Variants in MPPED2 observed in about 807,000 individuals in gnomAD.
The protein encoded by MPPED2 is metallophosphoesterase domain containing 2.
MPPED2 carries 5 observed loss-of-function variants against 33.0 expected under a neutral mutation model. The ratio of observed to expected loss-of-function variants is 0.15; its 90% CI spans 0.08 to 0.32. The LOEUF (loss-of-function observed/expected upper bound fraction) is 0.32, where lower values mean the gene tolerates loss of function less well. Among genes scored for constraint, MPPED2 ranks in the 10% least tolerant of loss-of-function variants. The pLI is 1.00. For synonymous variants in MPPED2, 136 were observed against 141.9 expected, an observed-to-expected ratio of 0.96 and a Z score of 0.29; for missense variants, 275 against 372.1, an observed-to-expected ratio of 0.74 and a Z score of 2.15.
At chr11:30,488,102 T>C (rs903430668) in intron 4 of MPPED2, among the ~76,000 whole-genome samples, 5 of 152,206 alleles carry the variant, frequency 3.3e-5, no homozygotes, top group African/African-American at 1.2e-4. Flanking sequence ...GGCAAGTCAC[T>C]TTCTCTGTCA....
intron 3 of MPPED2, among the ~76,000 whole-genome samples, chr11:30,498,570 CT>C (rs1459369020): frequency 6.6e-6 from 1 of 150,444 alleles, no homozygotes; most frequent in Non-Finnish European, 1.5e-5. Context: ...AAAAAGAACG[CT>C]ACCAACCAAC....
chr11:30,479,904 T>C (rs1951403654), intron 4 of MPPED2, among the ~76,000 whole-genome samples: 1 of 152,082 alleles, frequency 6.6e-6, no homozygotes, highest in South Asian at 2.1e-4. Flanking sequence ...AACACAATTG[T>C]AAGTAAATAG....
intron 3 of MPPED2, among the ~76,000 whole-genome samples, chr11:30,519,957 C>T (rs1366898074): frequency 6.6e-6 from 1 of 152,160 alleles, no homozygotes; most frequent in Non-Finnish European, 1.5e-5. Context: ...TTGTTCTCAA[C>T]ATTTTACAGA....
chr11:30,506,269 C>T (rs1952823501), intron 3 of MPPED2, among the ~76,000 whole-genome samples: 1 of 152,104 alleles, frequency 6.6e-6, no homozygotes, highest in African/African-American at 2.4e-5. Context: ...AAACTCCTGA[C>T]CTCAGCTGAT....
At chr11:30,466,030 G>T (rs1026126571) in intron 4 of MPPED2, among the ~76,000 whole-genome samples, 2 of 152,172 alleles carry the variant, frequency 1.3e-5, no homozygotes, top group African/African-American at 4.8e-5. Context: ...GCACTTCTCA[G>T]TGCCTGATAT....
chr11:30,459,824 G>C (rs746562404), intron 4 of MPPED2, among the ~76,000 whole-genome samples: 1 of 152,178 alleles, frequency 6.6e-6, no homozygotes, highest in South Asian at 2.1e-4. Flanking sequence ...CTGAACATGT[G>C]TATTGTAGTT....
At chr11:30,507,119 G>C (rs909600055) in intron 3 of MPPED2, among the ~76,000 whole-genome samples, 3 of 152,182 alleles carry the variant, frequency 2.0e-5, no homozygotes, top group Non-Finnish European at 4.4e-5. Context: ...ATGCATCACA[G>C]ATCAATTTAC....
At chr11:30,556,573 T>C (rs1261403387) in intron 2 of MPPED2, among the ~76,000 whole-genome samples, 1 of 152,208 alleles carries the variant, frequency 6.6e-6, no homozygotes, top group African/African-American at 2.4e-5. Flanking sequence ...CCTTGACAGA[T>C]TAGCATGGCC....
intron 6 of MPPED2, among the ~76,000 whole-genome samples, chr11:30,404,863 G>A (rs901015034): frequency 3.9e-5 from 6 of 152,062 alleles, no homozygotes; most frequent in Middle Eastern, 3.2e-3. Flanking sequence ...TATTTTTCTC[G>A]CATACCTAGC....
chr11:30,505,123 A>AAATG (rs1952761045), intron 3 of MPPED2, among the ~76,000 whole-genome samples: 1 of 152,202 alleles, frequency 6.6e-6, no homozygotes, highest in Admixed American at 6.5e-5. Context: ...GGCAGGTAAC[A>AAATG]ACTGACAAGT....
At chr11:30,417,127 A>G (rs969006873) in intron 5 of MPPED2, among the ~76,000 whole-genome samples, 2 of 152,188 alleles carry the variant, frequency 1.3e-5, no homozygotes, top group Admixed American at 1.3e-4. Context: ...GCTCCTTTGA[A>G]TAAAAATTTC....
In MPPED2 at chr11:30,536,163, G is replaced by A. The variant is rs1315732107; in HGVS notation, c.141C>T (p.Ile47=). The change falls in exon 3 of 7, where the codon ATC becomes ATT. Residue 47 remains isoleucine (I), a synonymous_variant. Coordinates refer to ENST00000358117, the MANE Select transcript of MPPED2 (RefSeq NM_001584.3). The part of the protein sequence containing the change: ...QPPHVHMVDP[I]PYDTPKPAGH... Reference sequence around the variant, plus strand: ...CCGCTGGTTTTGGAGTGTCATATGGGATGGGGTCGACCCTAAAGTAGACAT... The same window carrying A: ...CCGCTGGTTTTGGAGTGTCATATGGAATGGGGTCGACCCTAAAGTAGACAT... 7 of 1,603,346 alleles carry A rather than the reference G, an allele frequency of 4.4e-6. No homozygotes were observed. The highest frequency in any genetic ancestry group is 1.1e-5 in the South Asian group (1 of 89,082).
intron 6 of MPPED2, among the ~76,000 whole-genome samples, chr11:30,398,960 A>T (rs1947872875): frequency 6.6e-6 from 1 of 152,160 alleles, no homozygotes; most frequent in Admixed American, 6.6e-5. Context: ...TGTGAGGACG[A>T]TCATACATCT....
intron 3 of MPPED2, among the ~76,000 whole-genome samples, chr11:30,504,581 A>T (rs904170610): frequency 1.3e-5 from 2 of 152,128 alleles, no homozygotes; most frequent in African/African-American, 4.8e-5. Context: ...TACTCCAGAA[A>T]TCCCCCTTGG....
intron 6 of MPPED2, among the ~76,000 whole-genome samples, chr11:30,411,861 G>A (rs1948118769): frequency 6.6e-6 from 1 of 151,734 alleles, no homozygotes; most frequent in Admixed American, 6.6e-5. Context: ...TCTTTACTAG[G>A]GAGAATAAAG....
intron 3 of MPPED2, among the ~76,000 whole-genome samples, chr11:30,527,933 G>A (rs975365289): frequency 2.0e-5 from 3 of 152,176 alleles, no homozygotes; most frequent in Admixed American, 2.0e-4. Context: ...TTCACTACTT[G>A]TACACATTGG....
At chr11:30,447,682 CAA>C (rs1297847945) in intron 4 of MPPED2, among the ~76,000 whole-genome samples, 1 of 152,136 alleles carries the variant, frequency 6.6e-6, no homozygotes, top group Non-Finnish European at 1.5e-5. Context: ...GCACAGCAAA[CAA>C]GAGTTTGCGC....
At chr11:30,513,198 C>T (rs979878973) in intron 3 of MPPED2, among the ~76,000 whole-genome samples, 4 of 152,146 alleles carry the variant, frequency 2.6e-5, no homozygotes, top group African/African-American at 9.7e-5. Context: ...GCCTCCTGCC[C>T]TACTTTTATT....
At chr11:30,452,209 A>G in intron 4 of MPPED2, 1 of 453,316 alleles carries the variant, frequency 2.2e-6, no homozygotes, top group Non-Finnish European at 2.9e-6. Flanking sequence ...TGCACCCAGC[A>G]CTCTGGCTGC....
Sources: allele counts gnomAD v4.1 joint callset (sites outside exome capture counted in the v4.1 genomes callset), GRCh38; gene constraint gnomAD v4.1.1; transcripts MANE v1.5; gene names NCBI Gene and HGNC (gene_info 2026-07-23, HGNC 2026-07-21).